The following SORL1 variants were observed in gnomAD, a reference collection of about 807,000 sequenced individuals.
SORL1 encodes sortilin-related receptor.
Under a neutral mutation model 273.7 loss-of-function variants are expected in SORL1, and 127 were observed. That is an observed-to-expected ratio of 0.46 (90% CI 0.40 to 0.54). SORL1 has a LOEUF of 0.54. SORL1 is among the 20% of genes least tolerant of loss of function. SORL1 has a pLI of 0.00. For missense variants in SORL1, 2,494 were observed against 2,846.1 expected (o/e 0.88, Z 2.81); for synonymous variants, 1,031 against 1,067.4 (o/e 0.97, Z 0.66).
intron 24 of SORL1, 75 bp from the exon 25 acceptor site, chr11:121,577,206 G>T: frequency 6.6e-7 from 1 of 1,521,466 alleles, no homozygotes; most frequent in South Asian, 1.3e-5. Context: ...CATCCTTTAT[G>T]AGAGCTTTGA....
At chr11:121,573,211 C>CTATATTTACATCCTA (rs1862873658) in intron 23 of SORL1, among the ~76,000 whole-genome samples, 1 of 152,216 alleles carries the variant, frequency 6.6e-6, no homozygotes, top group East Asian at 1.9e-4. Context: ...TATTTACATC[C>CTATATTTACATCCTA]TATTTAATAG....
intron 32 of SORL1, among the ~76,000 whole-genome samples, chr11:121,603,930 C>T (rs1285882045): frequency 6.6e-6 from 1 of 152,190 alleles, no homozygotes; most frequent in Non-Finnish European, 1.5e-5. Context: ...AAGCTGTTTG[C>T]TCAAGCTCAT....
chr11:121,459,284 G>A (rs1860953444), intron 1 of SORL1, among the ~76,000 whole-genome samples: 1 of 152,204 alleles, frequency 6.6e-6, no homozygotes, highest in Non-Finnish European at 1.5e-5. Context: ...GCTTTGACAA[G>A]GCCTCTTCTT....
At chr11:121,491,876 C>G (rs1158000623) in intron 5 of SORL1, among the ~76,000 whole-genome samples, 2 of 152,154 alleles carry the variant, frequency 1.3e-5, no homozygotes, top group African/African-American at 4.8e-5. Context: ...TTCATCATTT[C>G]TCTCAGATTA....
chr11:121,484,045 G>T (rs563437336), intron 3 of SORL1, among the ~76,000 whole-genome samples: 1 of 152,146 alleles, frequency 6.6e-6, no homozygotes, highest in African/African-American at 2.4e-5. Flanking sequence ...TCACTTTTTG[G>T]TGGTGGAGAG....
chr11:121,582,052 T>C (rs1340814578), intron 25 of SORL1, among the ~76,000 whole-genome samples: 1 of 152,248 alleles, frequency 6.6e-6, no homozygotes, highest in Admixed American at 6.5e-5. Context: ...GGATTCTGAG[T>C]GCCAAAGGTT....
chr11:121,502,962 G>A (rs1591302938), intron 6 of SORL1, among the ~76,000 whole-genome samples: 2 of 151,768 alleles, frequency 1.3e-5, no homozygotes, highest in South Asian at 2.1e-4. Flanking sequence ...CGTGATCTTC[G>A]TGTGCTCAAG....
intron 12 of SORL1, among the ~76,000 whole-genome samples, chr11:121,538,814 G>A (rs1862305778): frequency 6.6e-6 from 1 of 152,054 alleles, no homozygotes; most frequent in Non-Finnish European, 1.5e-5. Context: ...GAGTAGCTGG[G>A]ATTACAGGCA....
intron 12 of SORL1, among the ~76,000 whole-genome samples, chr11:121,538,651 T>A (rs1485330178): frequency 6.6e-6 from 1 of 150,990 alleles, no homozygotes; most frequent in Non-Finnish European, 1.5e-5. Flanking sequence ...TTTTTGCTTA[T>A]TTTTTTTTGG....
At chr11:121,567,147 C>G (rs1366405844) in intron 22 of SORL1, 34 bp downstream of exon 22, 1 of 1,574,256 alleles carries the variant, frequency 6.4e-7, no homozygotes, top group African/African-American at 1.3e-5. Context: ...CTGTCATCCT[C>G]CTTCCTTTGT....
chr11:121,569,402 C>T (rs1862802783), intron 22 of SORL1, among the ~76,000 whole-genome samples: 1 of 152,252 alleles, frequency 6.6e-6, no homozygotes, highest in Non-Finnish European at 1.5e-5. Flanking sequence ...AGCCACATTT[C>T]TCTTCTTTCA....
rs936243114 is a variant in SORL1 at position 121,495,467 on chromosome 11, A to C, written c.759-1402A>C. ...GTGGGGGGAATATGCTCTTGACAGT[A>C]TATCTCTGAAGGAATTTGACACGAT... is the stretch of plus-strand genomic sequence containing the variant. On this transcript the variant is annotated intron_variant, in intron 5 of 47. Transcript: ENST00000260197. Among the ~76,000 whole-genome samples the C allele has an allele frequency of 3.9e-5, 6 of 152,248 alleles. No individual in the cohort carries two copies. The Middle Eastern group carries it at 0.014, about 345-fold the overall frequency.
At chr11:121,622,054 A>G in intron 44 of SORL1, 108 bp from the exon 45 acceptor site, 1 of 670,042 alleles carries the variant, frequency 1.5e-6, no homozygotes, top group Admixed American at 2.5e-5. Context: ...TTTTTCTGTA[A>G]CCCAGCCCTC....
intron 11 of SORL1, among the ~76,000 whole-genome samples, chr11:121,531,159 G>A (rs1345996854): frequency 3.9e-5 from 6 of 152,256 alleles, no homozygotes; most frequent in South Asian, 2.1e-4. Context: ...TTGGGAGGCC[G>A]AGGCAGGTGG....
At chr11:121,584,058 G>C (rs1863055669) in intron 26 of SORL1, among the ~76,000 whole-genome samples, 1 of 152,146 alleles carries the variant, frequency 6.6e-6, no homozygotes, top group Non-Finnish European at 1.5e-5. Context: ...GTTGCTTCCT[G>C]GTTGGGTGTT....
intron 6 of SORL1, among the ~76,000 whole-genome samples, chr11:121,510,422 T>G (rs1366434641): frequency 1.3e-5 from 2 of 152,224 alleles, no homozygotes; most frequent in African/African-American, 2.4e-5. Context: ...GTTTCTGTCT[T>G]AATGTTCTGC....
At chr11:121,557,211 G>C in intron 18 of SORL1, 103 bp from the exon 19 acceptor site, 1 of 840,976 alleles carries the variant, frequency 1.2e-6, no homozygotes, top group Non-Finnish European at 2.1e-6. Flanking sequence ...GGCAGGCATG[G>C]AGGGGGCATG....
intron 1 of SORL1, among the ~76,000 whole-genome samples, chr11:121,457,193 G>A (rs1057213324): frequency 2.0e-5 from 3 of 152,218 alleles, no homozygotes; most frequent in African/African-American, 4.8e-5. Flanking sequence ...GGCACAGAAG[G>A]TGGAGGCTTT....
At chr11:121,620,050 C>T (rs1207995374) in intron 43 of SORL1, 133 bp downstream of exon 43, 4 of 705,976 alleles carry the variant, frequency 5.7e-6, no homozygotes, top group South Asian at 1.8e-5. Flanking sequence ...GGTCTCTCTC[C>T]CATTTCAGTC....
Sources: gnomAD v4.1 joint callset for allele counts (sites outside exome capture counted in the v4.1 genomes callset) on GRCh38, gnomAD v4.1.1 for gene constraint, MANE v1.5 for transcripts, NCBI Gene and HGNC (gene_info 2026-07-23, HGNC 2026-07-21) for gene names.